OXR1: variants seen among roughly 807,000 people sequenced by gnomAD.
OXR1 encodes the protein oxidation resistance protein 1.
OXR1 carries 41 observed loss-of-function variants against 104.6 expected under a neutral mutation model. The observed-to-expected ratio is 0.39, with a 90% CI of 0.31 to 0.51. OXR1 has a LOEUF of 0.51. Ranked by LOEUF, OXR1 falls within the 20% of genes least tolerant of loss-of-function variation. The pLI, the probability that OXR1 is intolerant of heterozygous loss-of-function variation, is 0.77. For missense variants in OXR1, 955 were observed against 1,031.9 expected, an observed-to-expected ratio of 0.93 and a Z score of 1.02; for synonymous variants, 348 against 348.4, an observed-to-expected ratio of 1.00 and a Z score of 0.01.
At chr8:106,452,893 A>C (rs898991315) in intron 2 of OXR1, among the ~76,000 whole-genome samples, 1 of 151,992 alleles carries the variant, frequency 6.6e-6, no homozygotes, top group African/African-American at 2.4e-5. Context: ...CTAAATTGAT[A>C]TCTTTTAATA....
At chr8:106,609,189 G>C (rs1421834094) in intron 3 of OXR1, among the ~76,000 whole-genome samples, 1 of 151,956 alleles carries the variant, frequency 6.6e-6, no homozygotes, top group Admixed American at 6.6e-5. Flanking sequence ...GGAGAGGATC[G>C]CTTGAGCCCA....
intron 3 of OXR1, among the ~76,000 whole-genome samples, chr8:106,642,540 A>C (rs1303878135): frequency 6.6e-6 from 1 of 152,154 alleles, no homozygotes; most frequent in Non-Finnish European, 1.5e-5. Flanking sequence ...CATGGAGATC[A>C]CCAATAGGGA....
chr8:106,630,965 C>T (rs906802953), intron 3 of OXR1, among the ~76,000 whole-genome samples: 3 of 151,514 alleles, frequency 2.0e-5, no homozygotes, highest in South Asian at 2.1e-4. Context: ...GGGGGTTGGT[C>T]GGAAAGAGAT....
At chr8:106,359,690 T>A in intron 2 of OXR1, 54 bp downstream of exon 2, 1 of 1,349,204 alleles carries the variant, frequency 7.4e-7, no homozygotes, top group East Asian at 2.5e-5. Flanking sequence ...TCATGAGCAG[T>A]ATTTTCTGAG....
chr8:106,403,816 C>T (rs1427763263), intron 2 of OXR1, among the ~76,000 whole-genome samples: 1 of 152,170 alleles, frequency 6.6e-6, no homozygotes, highest in Non-Finnish European at 1.5e-5. Flanking sequence ...CACACATGTT[C>T]CCTGGATTTT....
At chr8:106,639,743 A>G (rs1823471960) in intron 3 of OXR1, among the ~76,000 whole-genome samples, 1 of 152,222 alleles carries the variant, frequency 6.6e-6, no homozygotes, top group Admixed American at 6.5e-5. Flanking sequence ...AAGGGATTCA[A>G]AGAGTCCTAG....
intron 2 of OXR1, among the ~76,000 whole-genome samples, chr8:106,508,582 A>G (rs957044451): frequency 6.6e-6 from 1 of 152,244 alleles, no homozygotes; most frequent in Non-Finnish European, 1.5e-5. Flanking sequence ...GTAATCAGTA[A>G]TGCAATCGTA....
chr8:106,689,054 T>G (rs967246344), intron 6 of OXR1, among the ~76,000 whole-genome samples: 2 of 152,134 alleles, frequency 1.3e-5, no homozygotes, highest in Non-Finnish European at 2.9e-5. Context: ...CCTATATTAG[T>G]TTCCTAGTAT....
chr8:106,329,660 T>C (rs1814630355), intron 1 of OXR1, among the ~76,000 whole-genome samples: 1 of 152,158 alleles, frequency 6.6e-6, no homozygotes, highest in Non-Finnish European at 1.5e-5. Context: ...AGTGACACTT[T>C]CTTAACTACA....
intron 2 of OXR1, among the ~76,000 whole-genome samples, chr8:106,427,820 G>T (rs2130554059): frequency 6.6e-6 from 1 of 152,166 alleles, no homozygotes; most frequent in Admixed American, 6.5e-5. Context: ...GGACACCTGG[G>T]GGCACATGGT....
intron 7 of OXR1, among the ~76,000 whole-genome samples, chr8:106,698,673 T>G (rs1160937903): frequency 6.6e-6 from 1 of 152,170 alleles, no homozygotes; most frequent in Non-Finnish European, 1.5e-5. Flanking sequence ...CTTAATCCTA[T>G]CCAGCATATT....
At chr8:106,448,386 A>G (rs1043177553) in intron 2 of OXR1, among the ~76,000 whole-genome samples, 24 of 152,336 alleles carry the variant, frequency 1.6e-4, no homozygotes, top group African/African-American at 5.3e-4. Context: ...GGCACCACCT[A>G]TCGTTTATGA....
intron 1 of OXR1, among the ~76,000 whole-genome samples, chr8:106,271,547 T>TGCGTGTGTGCGCGCGCGTGTGC (rs1431880405): frequency 2.0e-4 from 31 of 151,840 alleles, no homozygotes; most frequent in Non-Finnish European, 3.8e-4. Context: ...GGCGTGTGTG[T>TGCGTGTGTGCGCGCGCGTGTGC]GCGTGTGTGC....
chr8:106,492,139 A>G (rs544695861), intron 2 of OXR1, among the ~76,000 whole-genome samples: 11 of 152,296 alleles, frequency 7.2e-5, no homozygotes, highest in African/African-American at 2.6e-4. Flanking sequence ...TTTTCTTTGA[A>G]AATTTAAAAT....
At chr8:106,322,746 A>G (rs962298895) in intron 1 of OXR1, among the ~76,000 whole-genome samples, 3 of 152,210 alleles carry the variant, frequency 2.0e-5, no homozygotes, top group Non-Finnish European at 2.9e-5. Context: ...AGCAACAGCC[A>G]AACTGAGAGC....
chr8:106,356,708 A>T (rs565533471), intron 1 of OXR1, among the ~76,000 whole-genome samples: 16 of 145,648 alleles, frequency 1.1e-4, no homozygotes, highest in African/African-American at 4.2e-4. Context: ...ATTTAAAAAA[A>T]GGTTAAAATT....
intron 3 of OXR1, among the ~76,000 whole-genome samples, chr8:106,644,973 C>T (rs969418370): frequency 1.3e-5 from 2 of 152,090 alleles, no homozygotes; most frequent in African/African-American, 4.8e-5. Flanking sequence ...CTGCTGTGAA[C>T]AAGGAGTGTT....
At chr8:106,703,274 A>G (rs1245971842) in intron 8 of OXR1, among the ~76,000 whole-genome samples, 184 bp downstream of exon 8, 1 of 152,232 alleles carries the variant, frequency 6.6e-6, no homozygotes, top group East Asian at 1.9e-4. Context: ...GTTATGAATT[A>G]TCTTAGATTT....
chr8:106,690,569 G>A (rs1282416467), intron 6 of OXR1, among the ~76,000 whole-genome samples: 3 of 149,452 alleles, frequency 2.0e-5, no homozygotes, highest in African/African-American at 7.3e-5. Flanking sequence ...TAAATTACTA[G>A]ATGAGAGTTT....
Sources: gnomAD v4.1 joint callset for allele counts (sites outside exome capture counted in the v4.1 genomes callset) on GRCh38, gnomAD v4.1.1 for gene constraint, MANE v1.5 for transcripts, NCBI Gene and HGNC (gene_info 2026-07-23, HGNC 2026-07-21) for gene names.